Variants in SGTA observed in about 807,000 individuals in gnomAD.
The protein encoded by SGTA is small glutamine rich tetratricopeptide repeat co-chaperone alpha.
A neutral mutation model predicts 44.3 loss-of-function variants in SGTA; 22 were observed. The observed-to-expected ratio is 0.50, with a 90% CI of 0.36 to 0.71. The LOEUF (loss-of-function observed/expected upper bound fraction) is 0.71, where lower values mean the gene tolerates loss of function less well. Ranked by LOEUF, SGTA falls within the 30% of genes least tolerant of loss-of-function variation. The pLI, the probability that SGTA is intolerant of heterozygous loss-of-function variation, is 0.00. For synonymous variants in SGTA, 174 were observed against 177.6 expected, an observed-to-expected ratio of 0.98 and a Z score of 0.16; for missense variants, 341 against 435.9, an observed-to-expected ratio of 0.78 and a Z score of 1.94.
At chr19:2,762,709 C>A in intron 6 of SGTA, 65 bp from the exon 7 acceptor site, 1 of 1,593,690 alleles carries the variant, frequency 6.3e-7, no homozygotes, top group East Asian at 2.2e-5. Flanking sequence ...CCGCCAAAGC[C>A]CTCGTCCCCG....
chr19:2,762,736 C>G lies in SGTA; in HGVS notation c.498-92G>C, dbSNP rs376580790. 863 of 1,491,110 alleles carry G rather than the reference C, an allele frequency of 5.8e-4. 5 individuals are homozygous for G. In the African/African-American group the frequency reaches 0.011, roughly 18 times the overall value. 92.4% of individuals were successfully genotyped at this position (1,491,110 alleles called of 1,614,324 possible). A position where few individuals can be genotyped will look rare whatever the true frequency, so the allele number is the denominator to read the frequency against. On this transcript the variant is annotated intron_variant, in intron 6 of 11. Coordinates refer to ENST00000221566, the MANE Select transcript of SGTA (RefSeq NM_003021.4). ...TCGTCCCCGGCGGTCCTGGCAACCC[C>G]CAAACCACCTCGGATGGTGCCACCC...
chr19:2,768,787 C>G (rs1325751537), intron 2 of SGTA, among the ~76,000 whole-genome samples, 182 bp downstream of exon 2: 1 of 152,228 alleles, frequency 6.6e-6, no homozygotes, highest in Admixed American at 6.5e-5. Flanking sequence ...GGGCTCAGCT[C>G]GGCCCTGGCT....
At position 2,763,742 on chromosome 19, in the gene SGTA, G is replaced by A; in HGVS notation, c.408C>T (p.Ser136=). The A allele has an allele frequency of 1.2e-6, 2 of 1,613,610 alleles. No homozygotes were observed. Among genetic ancestry groups the A allele is most frequent in the South Asian group, 2.2e-5 (2 of 90,984 alleles). The change falls in exon 6 of 12, where the codon AGC becomes AGT. Residue 136 remains serine, a synonymous_variant. Transcript: ENST00000221566. The surrounding 1 kb of genome is among the most constrained non-coding windows in gnomAD (Gnocchi z 5.8). The part of the protein sequence containing the change: ...VYFCNRAAAY[S]KLGNYAGAVQ... ...CCGCGCCTGCGTAGTTGCCGAGTTT[G>A]CTGTAGGCTGCGGCTCTGGGGAAGA...
intron 1 of SGTA, chr19:2,770,215 T>C (rs867829783): frequency 3.7e-5 from 6 of 163,534 alleles, no homozygotes; most frequent in Middle Eastern, 3.0e-3. Flanking sequence ...CTTCTGCTCA[T>C]GTCTGTGGTC....
chr19:2,775,401 T>C (rs956833998), intron 1 of SGTA, among the ~76,000 whole-genome samples: 3 of 152,208 alleles, frequency 2.0e-5, no homozygotes, highest in African/African-American at 7.2e-5. Context: ...CGCCACGCTT[T>C]AAACAGTGGC....
chr19:2,762,301 G>C (rs984797794), intron 7 of SGTA, among the ~76,000 whole-genome samples: 1 of 152,176 alleles, frequency 6.6e-6, no homozygotes, highest in Non-Finnish European at 1.5e-5. Flanking sequence ...CCCTGCGGCC[G>C]GCCTCCTGCT....
chr19:2,768,964 C>T lies in SGTA; in HGVS notation c.100+5G>A, dbSNP rs1266590941. On this transcript the variant is annotated splice_donor_5th_base_variant and intron_variant, in intron 2 of 11. Coordinates refer to ENST00000221566, the MANE Select transcript of SGTA (RefSeq NM_003021.4). ...GAGAGGGGGAAGTGGCAGGCACCCA[C>T]CTACCTTCCAAGCTCTCCTGAGCAT... is the stretch of plus-strand genomic sequence containing the variant. The T allele has an allele frequency of 2.5e-6, 4 of 1,609,472 alleles. No homozygotes were observed. The highest frequency in any genetic ancestry group is 2.6e-6 in the Non-Finnish European group (3 of 1,176,466).
rs143204734 is a variant in SGTA at position 2,765,236 on chromosome 19, G to A, written c.342C>T (p.Tyr114=). Residue 114 remains tyrosine (Y), a synonymous_variant, in exon 5 of 12, where the codon TAC becomes TAT. Coordinates refer to ENST00000221566, the MANE Select transcript of SGTA (RefSeq NM_003021.4). This position sits in a 1 kb window ranked among gnomAD's most constrained non-coding sequence, Gnocchi z 5.5. ...CTGGGTTGAGCTCGATGGCTTTTCC[G>A]TAGAAATGCACGGCAGCTTCAAAGT... ...VENFEAAVHF[Y]GKAIELNPAN... 42 of 1,613,946 alleles carry A rather than the reference G, an allele frequency of 2.6e-5. No individual in the cohort carries two copies. The highest frequency in any genetic ancestry group is 1.6e-4 in the Middle Eastern group (1 of 6,082).
chr19:2,757,223 C>A, intron 11 of SGTA, 114 bp downstream of exon 11: 1 of 1,323,318 alleles, frequency 7.6e-7, no homozygotes. Flanking sequence ...GTCCAGTGTC[C>A]AGACAGGCTC....
At position 2,762,719 on chromosome 19, in the gene SGTA, G is replaced by A. The variant is rs73516491; in HGVS notation, c.498-75C>T. On this transcript the variant is annotated intron_variant, in intron 6 of 11. Coordinates refer to ENST00000221566, the MANE Select transcript of SGTA (RefSeq NM_003021.4). ...AGGCCCCGCCAAAGCCCTCGTCCCC[G>A]GCGGTCCTGGCAACCCCCAAACCAC... 6,084 of 1,566,038 alleles carry A rather than the reference G, an allele frequency of 3.9e-3. 215 individuals are homozygous for A. The African/African-American group carries it at 0.073, about 19-fold the overall frequency.
intron 1 of SGTA, among the ~76,000 whole-genome samples, chr19:2,774,876 G>T (rs1915409018): frequency 6.6e-6 from 1 of 152,162 alleles, no homozygotes; most frequent in African/African-American, 2.4e-5. Context: ...GTGTGTGCGT[G>T]CATGTCTCTC....
At chr19:2,777,042 C>T (rs1915459545) in intron 1 of SGTA, among the ~76,000 whole-genome samples, 1 of 151,790 alleles carries the variant, frequency 6.6e-6, no homozygotes, top group East Asian at 1.9e-4. Flanking sequence ...GCAGGCGGAT[C>T]ACCTGACATC....
rs372315172 is a variant in SGTA at position 2,757,648 on chromosome 19, C to T, written c.827+45G>A. On this transcript the variant is annotated intron_variant, in intron 10 of 11. Transcript: ENST00000221566. ...CCTTCCCTTCCGCCTGCGAGCCCTG[C>T]CCGCCGCCCACGTCCTCCGTCCTCT... is the stretch of plus-strand genomic sequence containing the variant. 951 of 1,486,384 alleles carry T rather than the reference C, an allele frequency of 6.4e-4. 2 individuals are homozygous for T. The highest frequency in any genetic ancestry group is 8.2e-4 in the Non-Finnish European group (907 of 1,108,958). The allele number at this position is 1,486,384 out of a possible 1,614,324, so 92.1% of individuals were successfully genotyped here.
intron 8 of SGTA, chr19:2,759,500 A>C: frequency 3.5e-6 from 2 of 567,010 alleles, no homozygotes; most frequent in East Asian, 2.9e-5. Context: ...TGTGACTTAA[A>C]TCCTGTTTTG....
intron 1 of SGTA, among the ~76,000 whole-genome samples, chr19:2,782,070 G>C (rs919547402): frequency 6.6e-6 from 1 of 152,124 alleles, no homozygotes; most frequent in Admixed American, 6.5e-5. Flanking sequence ...TTGAACTCCT[G>C]ACCTCAGGTC....
At chr19:2,778,147 T>C (rs1050422480) in intron 1 of SGTA, 16 of 151,172 alleles carry the variant, frequency 1.1e-4, no homozygotes, top group African/African-American at 3.2e-4. Context: ...ATCCTACCAG[T>C]GACAGCTGGA....
Position 2,762,491 on chromosome 19 carries a change from C to T in SGTA, c.636+15G>A. 3 of 1,613,504 alleles carry T rather than the reference C, an allele frequency of 1.9e-6. No homozygotes were observed. The highest frequency in any genetic ancestry group is 1.1e-5 in the South Asian group (1 of 91,058). On this transcript the variant is annotated intron_variant, in intron 7 of 11. Coordinates refer to ENST00000221566, the MANE Select transcript of SGTA (RefSeq NM_003021.4). ...AGCTCGGCGTTCTGGAGCCACTCGC[C>T]CCCGCTGCACTCACGGGGCTGGGGG...
rs1174836005 is a variant in SGTA at position 2,761,111 on chromosome 19, C to T, written c.699+349G>A. The stretch of plus-strand genomic sequence containing the variant: ...TGTTGTGATCAGTGTCTCTGCACTG[C>T]GAGGAGGAGCCCACGCCAGGGTGGG... On this transcript the variant is annotated intron_variant, in intron 8 of 11. Coordinates refer to ENST00000221566, the MANE Select transcript of SGTA (RefSeq NM_003021.4). This position sits in a 1 kb window ranked among gnomAD's most constrained non-coding sequence, Gnocchi z 5.7. Among the ~76,000 whole-genome samples, 1 of 152,242 alleles carries T rather than the reference C, an allele frequency of 6.6e-6. No homozygotes were observed. Among genetic ancestry groups the T allele is most frequent in the Non-Finnish European group, 1.5e-5 (1 of 68,040 alleles).
chr19:2,769,748 T>A (rs903999169), intron 1 of SGTA, among the ~76,000 whole-genome samples: 2 of 37,450 alleles, frequency 5.3e-5, no homozygotes, highest in Non-Finnish European at 1.2e-4. Flanking sequence ...CAGACCCCCC[T>A]CTAGTTCCCC....
Sources: gnomAD v4.1 joint callset for allele counts (sites outside exome capture counted in the v4.1 genomes callset) on GRCh38, gnomAD v4.1.1 for gene constraint, Gnocchi (gnomAD v3.1) non-coding constraint, MANE v1.5 for transcripts, NCBI Gene and HGNC (gene_info 2026-07-23, HGNC 2026-07-21) for gene names.